The following RHPN2 variants were observed in gnomAD, a reference collection of about 807,000 sequenced individuals.
RHPN2 encodes rhophilin-2.
Under a neutral mutation model 79.0 loss-of-function variants are expected in RHPN2, and 40 were observed. The ratio of observed to expected loss-of-function variants is 0.51; its 90% CI spans 0.39 to 0.66. The LOEUF (loss-of-function observed/expected upper bound fraction) is 0.66. Ranked by LOEUF, RHPN2 falls within the 30% of genes least tolerant of loss-of-function variation. The pLI is 0.00. For missense variants in RHPN2, 686 were observed against 883.5 expected (o/e 0.78, Z 2.83); for synonymous variants, 285 against 363.5 (o/e 0.78, Z 2.46).
chr19:33,019,559 A>G (rs1568317679), intron 4 of RHPN2, among the ~76,000 whole-genome samples: 1 of 151,704 alleles, frequency 6.6e-6, no homozygotes, highest in Non-Finnish European at 1.5e-5. Flanking sequence ...AGCCTGGGCA[A>G]CGAGAGCTAA....
At chr19:32,982,958 C>T (rs1198855070) in intron 14 of RHPN2, among the ~76,000 whole-genome samples, 69 of 151,880 alleles carry the variant, frequency 4.5e-4, no homozygotes, top group Non-Finnish European at 2.6e-4. Flanking sequence ...ACATCCCTGC[C>T]GTATACTTCA....
At chr19:32,997,451 G>A (rs1363838041) in intron 10 of RHPN2, among the ~76,000 whole-genome samples, 4 of 151,456 alleles carry the variant, frequency 2.6e-5, no homozygotes, top group South Asian at 2.1e-4. Context: ...AGAGAAGACT[G>A]GGAATGGGGT....
intron 4 of RHPN2, among the ~76,000 whole-genome samples, chr19:33,019,041 AAAAAAAGAAAG>A (rs977219543): frequency 5.0e-5 from 7 of 140,948 alleles, no homozygotes; most frequent in Non-Finnish European, 9.0e-5. Flanking sequence ...CAAAAAAAAA[AAAAAAAGAAAG>A]AAAGAAAGAA....
intron 2 of RHPN2, among the ~76,000 whole-genome samples, chr19:33,043,015 G>A (rs1018422395): frequency 6.6e-6 from 1 of 151,662 alleles, no homozygotes; most frequent in African/African-American, 2.4e-5. Flanking sequence ...GGAAGCAGAA[G>A]TTGCAGTGAG....
intron 12 of RHPN2, among the ~76,000 whole-genome samples, chr19:32,993,553 T>A (rs1355017858): frequency 6.6e-6 from 1 of 152,034 alleles, no homozygotes; most frequent in East Asian, 1.9e-4. Flanking sequence ...AAAGTTTGTA[T>A]ATTAAAATAT....
Position 32,996,531 on chromosome 19 carries a change from G to A in RHPN2, c.1226-311C>T, listed in dbSNP as rs573537619. 1,069 of 441,356 alleles carry A rather than the reference G, an allele frequency of 2.4e-3. 10 individuals carry two copies. The highest frequency in any genetic ancestry group is 0.012 in the African/African-American group (585 of 50,106). 27.3% of individuals were successfully genotyped at this position (441,356 alleles called of 1,614,324 possible). A position where few individuals can be genotyped will look rare whatever the true frequency, so the allele number is the denominator to read the frequency against. On this transcript the variant is annotated intron_variant, in intron 10 of 14. Transcript: ENST00000254260. ...TAAGATACTGAGGCAGGCTGTACCA[G>A]CAGCTCCTGGGGATGTGCTCAGTGG...
intron 3 of RHPN2, among the ~76,000 whole-genome samples, chr19:33,022,053 G>A (rs1351836448): frequency 6.6e-6 from 1 of 152,028 alleles, no homozygotes; most frequent in African/African-American, 2.4e-5. Context: ...CAATTCTCCT[G>A]CCTCAGCCCC....
At chr19:32,998,287 G>A (rs1971719156) in intron 10 of RHPN2, among the ~76,000 whole-genome samples, 1 of 152,298 alleles carries the variant, frequency 6.6e-6, no homozygotes, top group East Asian at 1.9e-4. Flanking sequence ...AAAGTGGCCA[G>A]ATTTGAGATA....
chr19:32,980,327 G>T (rs1334475951), intron 14 of RHPN2, 71 bp from the exon 15 acceptor site: 2 of 1,585,758 alleles, frequency 1.3e-6, no homozygotes, highest in Non-Finnish European at 1.7e-6. Context: ...ACGAAGTTTG[G>T]CCAGGCGCGG....
intron 10 of RHPN2, among the ~76,000 whole-genome samples, chr19:32,998,613 C>G (rs1454837459): frequency 1.3e-5 from 2 of 151,512 alleles, no homozygotes; most frequent in African/African-American, 4.9e-5. Flanking sequence ...CACTACTGCA[C>G]TGCAGCCTGG....
intron 1 of RHPN2, among the ~76,000 whole-genome samples, chr19:33,053,063 C>G (rs998221272): frequency 3.3e-5 from 5 of 151,364 alleles, no homozygotes; most frequent in African/African-American, 1.2e-4. Context: ...CCTCCACCTC[C>G]CGGGTTCAAG....
chr19:33,004,891 A>G (rs2145233210), intron 7 of RHPN2, among the ~76,000 whole-genome samples: 1 of 151,950 alleles, frequency 6.6e-6, no homozygotes, highest in East Asian at 1.9e-4. Context: ...CCAGCCTTTT[A>G]ACCCAATTTT....
In RHPN2 at chr19:33,039,534, A is replaced by G. The variant is rs141803030; in HGVS notation, c.185+4715T>C. Among the ~76,000 whole-genome samples the G allele has an allele frequency of 5.9e-5, 9 of 152,170 alleles. No homozygotes were observed. In the East Asian group the frequency reaches 1.7e-3, roughly 29 times the overall value. ...TATCCCCCCTCTGAAACGAGTCCCC[A>G]AAACTTAAAAATTCAACAATCGGCC... On this transcript the variant is annotated intron_variant, in intron 2 of 14. Transcript: ENST00000254260.
chr19:32,991,914 C>G lies in RHPN2; in HGVS notation c.1553G>C (p.Arg518Pro). 6.2e-7 allele frequency: 1 copy of G among 1,613,954 alleles called. No individual in the cohort carries two copies. Among genetic ancestry groups the G allele is most frequent in the Non-Finnish European group, 8.5e-7 (1 of 1,179,836 alleles). The change falls in exon 13 of 15, where the codon CGC (arginine) becomes CCC (proline). Residue 518 changes from arginine to proline, a missense_variant. Arg to Pro is a moderately radical substitution (Grantham distance 103). Transcript: ENST00000254260. ...CAAGTCCCCTTCTTCTGCAGTGAAG[C>G]GGATGCTTCGAGGAGGCGTCCACCG... is the stretch of plus-strand genomic sequence containing the variant. ...NKRWTPPRSI[R>P]FTAEEGDLGF...
intron 7 of RHPN2, among the ~76,000 whole-genome samples, chr19:33,003,347 G>C (rs1356430989): frequency 6.6e-5 from 6 of 90,354 alleles, no homozygotes; most frequent in African/African-American, 2.9e-4. Context: ...GACAGAGCAA[G>C]ACTCTGTCTC....
chr19:32,990,223 G>A (rs934345180), intron 14 of RHPN2, among the ~76,000 whole-genome samples: 2 of 151,782 alleles, frequency 1.3e-5, no homozygotes, highest in Admixed American at 1.3e-4. Context: ...TGGCTGAGGT[G>A]GGAGGATCAC....
At chr19:33,007,893 A>C in intron 7 of RHPN2, 121 bp downstream of exon 7, 5 of 1,093,580 alleles carry the variant, frequency 4.6e-6, no homozygotes, top group Non-Finnish European at 6.7e-6. Context: ...AAGTTACACC[A>C]GAGCTGGAGA....
At position 33,036,870 on chromosome 19, in the gene RHPN2, G is replaced by GCCCCCCC; in HGVS notation, c.185+7372_185+7378dup. ...AGCACCTGTAGCCCGCCATGCCTGA[G>GCCCCCCC]CCCCCCCGCCACCCTCTGTGGGCTC... On this transcript the variant is annotated intron_variant, in intron 2 of 14. Transcript: ENST00000254260. Among the ~76,000 whole-genome samples, 105 of 141,366 alleles carry GCCCCCCC rather than the reference G, an allele frequency of 7.4e-4. 1 individual carries two copies. Among genetic ancestry groups the GCCCCCCC allele is most frequent in the African/African-American group, 2.8e-3 (98 of 35,450 alleles). 92.7% of individuals were successfully genotyped at this position (141,366 alleles called of 152,430 possible). A position where few individuals can be genotyped will look rare whatever the true frequency, so the allele number is the denominator to read the frequency against.
At chr19:33,022,762 G>T (rs1393430576) in intron 3 of RHPN2, among the ~76,000 whole-genome samples, 1 of 152,210 alleles carries the variant, frequency 6.6e-6, no homozygotes, top group Non-Finnish European at 1.5e-5. Flanking sequence ...AGCCCCACAA[G>T]AAGGCCAGGA....
Sources: gnomAD v4.1 joint callset for allele counts (sites outside exome capture counted in the v4.1 genomes callset) on GRCh38, gnomAD v4.1.1 for gene constraint, MANE v1.5 for transcripts, NCBI Gene and HGNC (gene_info 2026-07-23, HGNC 2026-07-21) for gene names.